ZNF385D: variants seen among roughly 807,000 people sequenced by gnomAD.
ZNF385D encodes the protein zinc finger protein 659.
ZNF385D carries 15 observed loss-of-function variants against 35.8 expected under a neutral mutation model. That is an observed-to-expected ratio of 0.42 (90% CI 0.28 to 0.64). The LOEUF (loss-of-function observed/expected upper bound fraction) is 0.64. Ranked by LOEUF, ZNF385D falls within the 30% of genes least tolerant of loss-of-function variation. The pLI, the probability that ZNF385D is intolerant of heterozygous loss-of-function variation, is 0.23. For synonymous variants in ZNF385D, 212 were observed against 186.8 expected, an observed-to-expected ratio of 1.13 and a Z score of -1.10; for missense variants, 474 against 494.6, an observed-to-expected ratio of 0.96 and a Z score of 0.39.
intron 3 of ZNF385D, among the ~76,000 whole-genome samples, chr3:21,523,771 A>AT (rs11302631): frequency 3.6e-4 from 53 of 149,194 alleles, no homozygotes; most frequent in Admixed American, 1.1e-3. Context: ...GGCTGTGCAA[A>AT]TTTTTTTTTT....
chr3:21,760,566 C>G (rs909584333), intron 3 of ZNF385D, among the ~76,000 whole-genome samples: 1 of 152,174 alleles, frequency 6.6e-6, no homozygotes, highest in Non-Finnish European at 1.5e-5. Context: ...ACATAAATAT[C>G]TAATCCATCT....
chr3:21,854,902 T>G (rs1005015700), intron 3 of ZNF385D, among the ~76,000 whole-genome samples: 5 of 151,938 alleles, frequency 3.3e-5, no homozygotes, highest in African/African-American at 1.2e-4. Flanking sequence ...AGTAGTAAAT[T>G]GAAAATTATA....
At chr3:22,295,813 A>G (rs1289675691) in intron 2 of ZNF385D, among the ~76,000 whole-genome samples, 1 of 152,106 alleles carries the variant, frequency 6.6e-6, no homozygotes, top group Non-Finnish European at 1.5e-5. Context: ...ATAACCTTTG[A>G]AAGATGTGAT....
chr3:21,849,627 T>TTTTC (rs1553684558), intron 3 of ZNF385D: 4 of 116,816 alleles, frequency 3.4e-5, no homozygotes, highest in Admixed American at 9.0e-5. Context: ...TTTTTTTTTT[T>TTTTC]CTACCACCAT....
chr3:22,111,053 T>C (rs901662017), intron 3 of ZNF385D, among the ~76,000 whole-genome samples: 7 of 151,866 alleles, frequency 4.6e-5, no homozygotes, highest in Admixed American at 3.9e-4. Flanking sequence ...ATTAAAATGC[T>C]ATTAATTCAG....
chr3:22,231,084 C>G (rs1398694363), intron 2 of ZNF385D, among the ~76,000 whole-genome samples: 1 of 152,146 alleles, frequency 6.6e-6, no homozygotes, highest in Non-Finnish European at 1.5e-5. Context: ...TGAGTGCCAA[C>G]TCTTAAATAT....
intron 2 of ZNF385D, among the ~76,000 whole-genome samples, chr3:22,279,926 A>C (rs1384131135): frequency 2.6e-5 from 4 of 151,956 alleles, no homozygotes; most frequent in Non-Finnish European, 4.4e-5. Context: ...TTCCTTTTTC[A>C]CCACATCCAT....
chr3:22,001,289 T>C (rs1055188301), intron 3 of ZNF385D, among the ~76,000 whole-genome samples: 1 of 150,252 alleles, frequency 6.7e-6, no homozygotes, highest in Non-Finnish European at 1.5e-5. Flanking sequence ...AGTGAAGAGA[T>C]GGAAAAAGAT....
chr3:21,851,605 T>C (rs912589914), intron 3 of ZNF385D, among the ~76,000 whole-genome samples: 4 of 151,974 alleles, frequency 2.6e-5, no homozygotes, highest in South Asian at 2.1e-4. Flanking sequence ...AAAGAAAATA[T>C]CTTGTGGTCA....
chr3:21,837,902 C>A (rs1441692238), intron 3 of ZNF385D, among the ~76,000 whole-genome samples: 1 of 151,110 alleles, frequency 6.6e-6, no homozygotes, highest in Admixed American at 6.6e-5. Flanking sequence ...GAAATAGACT[C>A]CACCTCTGGA....
intron 3 of ZNF385D, among the ~76,000 whole-genome samples, chr3:21,915,180 A>C (rs181554873): frequency 6.6e-6 from 1 of 152,134 alleles, no homozygotes; most frequent in East Asian, 1.9e-4. Flanking sequence ...ACTTGACGGT[A>C]CTGAGGTTAT....
intron 3 of ZNF385D, among the ~76,000 whole-genome samples, chr3:21,813,941 G>A (rs547069322): frequency 2.6e-5 from 4 of 152,242 alleles, no homozygotes; most frequent in Admixed American, 2.0e-4. Context: ...AATGTTAAGG[G>A]CAGCCAGAGA....
At chr3:21,531,412 C>T (rs937104729) in intron 3 of ZNF385D, among the ~76,000 whole-genome samples, 1 of 152,178 alleles carries the variant, frequency 6.6e-6, no homozygotes, top group Non-Finnish European at 1.5e-5. Context: ...CTGACATTTA[C>T]TCAACGAGGT....
intron 4 of ZNF385D, among the ~76,000 whole-genome samples, chr3:21,505,724 G>A (rs2125451204): frequency 6.6e-6 from 1 of 152,218 alleles, no homozygotes; most frequent in Admixed American, 6.5e-5. Context: ...GGCTGCATAT[G>A]TAAGTGCCTT....
intron 2 of ZNF385D, among the ~76,000 whole-genome samples, chr3:22,272,497 C>A (rs149372816): frequency 4.6e-5 from 7 of 152,120 alleles, no homozygotes; most frequent in African/African-American, 1.4e-4. Flanking sequence ...GATGTCCCTG[C>A]AGAAGTGCAT....
At chr3:22,314,302 T>A (rs1276468126) in intron 2 of ZNF385D, among the ~76,000 whole-genome samples, 1 of 152,016 alleles carries the variant, frequency 6.6e-6, no homozygotes, top group African/African-American at 2.4e-5. Flanking sequence ...GTCCCCAAAG[T>A]CTATCGTATC....
intron 2 of ZNF385D, among the ~76,000 whole-genome samples, chr3:22,208,951 G>T (rs957989086): frequency 2.0e-5 from 3 of 151,744 alleles, no homozygotes; most frequent in African/African-American, 7.3e-5. Context: ...AATGTTTGTT[G>T]CCAGTTTATA....
chr3:22,259,051 T>C (rs1700470857), intron 2 of ZNF385D, among the ~76,000 whole-genome samples: 1 of 151,904 alleles, frequency 6.6e-6, no homozygotes, highest in South Asian at 2.1e-4. Context: ...AATTGCTATG[T>C]CGATTCTGAA....
intron 4 of ZNF385D, among the ~76,000 whole-genome samples, chr3:21,472,422 A>G (rs988744011): frequency 1.3e-5 from 2 of 152,148 alleles, no homozygotes; most frequent in African/African-American, 4.8e-5. Flanking sequence ...GTCAACTCCA[A>G]TTTAGGAAAT....
Sources: allele counts gnomAD v4.1 joint callset (sites outside exome capture counted in the v4.1 genomes callset), GRCh38; gene constraint gnomAD v4.1.1; transcripts MANE v1.5; gene names NCBI Gene and HGNC (gene_info 2026-07-23, HGNC 2026-07-21).